The following CNTN4 variants were observed in gnomAD, a reference collection of about 807,000 sequenced individuals.
CNTN4 encodes the protein contactin 4, also known as contactin-4.
A neutral mutation model predicts 122.5 loss-of-function variants in CNTN4; 77 were observed. That is an observed-to-expected ratio of 0.63 (90% confidence interval 0.52 to 0.76). CNTN4 has a LOEUF of 0.76. CNTN4 is among the 30% of genes least tolerant of loss of function. The pLI is 0.00. For synonymous variants in CNTN4, 512 were observed against 447.0 expected (o/e 1.15, Z -1.83); for missense variants, 1,256 against 1,259.1 (o/e 1.00, Z 0.04).
chr3:2,958,189 A>G (rs1435526713), intron 13 of CNTN4, among the ~76,000 whole-genome samples: 1 of 152,230 alleles, frequency 6.6e-6, no homozygotes, highest in Non-Finnish European at 1.5e-5. Context: ...TGTAAGAAGC[A>G]TTGTTGCCTC....
At chr3:2,947,755 T>G (rs866361736) in intron 13 of CNTN4, among the ~76,000 whole-genome samples, 3 of 152,254 alleles carry the variant, frequency 2.0e-5, no homozygotes, top group African/African-American at 7.2e-5. Context: ...TCTTCCATTA[T>G]AGATACCAGA....
chr3:2,791,382 A>T (rs148336150), intron 6 of CNTN4, among the ~76,000 whole-genome samples: 1 of 151,988 alleles, frequency 6.6e-6, no homozygotes, highest in African/African-American at 2.4e-5. Context: ...AAATACAAAA[A>T]ATTAGCTGAG....
At chr3:2,842,661 C>T (rs1441345597) in intron 7 of CNTN4, among the ~76,000 whole-genome samples, 1 of 152,164 alleles carries the variant, frequency 6.6e-6, no homozygotes, top group Admixed American at 6.5e-5. Flanking sequence ...AAAAGTAGCT[C>T]TCTTCAGTGA....
chr3:2,676,477 C>T (rs746643379), intron 4 of CNTN4, among the ~76,000 whole-genome samples: 2 of 152,212 alleles, frequency 1.3e-5, no homozygotes, highest in Non-Finnish European at 2.9e-5. Context: ...CTGCCTCGGC[C>T]TCCCAGATTG....
At chr3:2,875,441 T>A (rs1172981173) in intron 8 of CNTN4, among the ~76,000 whole-genome samples, 1 of 152,218 alleles carries the variant, frequency 6.6e-6, no homozygotes, top group Non-Finnish European at 1.5e-5. Context: ...AACTTTGCTA[T>A]CTTCTGCATT....
intron 3 of CNTN4, among the ~76,000 whole-genome samples, chr3:2,438,248 G>A (rs1353040367): frequency 3.3e-5 from 5 of 152,178 alleles, no homozygotes; most frequent in African/African-American, 9.7e-5. Flanking sequence ...GGCTGGGCAC[G>A]GTTGCTCACG....
intron 3 of CNTN4, among the ~76,000 whole-genome samples, chr3:2,486,751 T>C (rs1463847740): frequency 6.6e-6 from 1 of 152,152 alleles, no homozygotes; most frequent in Non-Finnish European, 1.5e-5. Context: ...TGGGTACAAC[T>C]GTAAAGGAAT....
chr3:2,929,178 A>G (rs1446730960), intron 13 of CNTN4, among the ~76,000 whole-genome samples: 2 of 152,214 alleles, frequency 1.3e-5, no homozygotes, highest in East Asian at 1.9e-4. Flanking sequence ...CATTTAAAAC[A>G]GGGAAGACCT....
At chr3:2,660,534 G>A (rs533708861) in intron 4 of CNTN4, among the ~76,000 whole-genome samples, 38 of 152,242 alleles carry the variant, frequency 2.5e-4, no homozygotes, top group African/African-American at 7.9e-4. Context: ...TCTTAACCCT[G>A]CCATTAATTG....
chr3:2,319,826 ATATTC>A (rs1300902031), intron 2 of CNTN4, among the ~76,000 whole-genome samples: 2 of 152,186 alleles, frequency 1.3e-5, no homozygotes, highest in Non-Finnish European at 2.9e-5. Context: ...GGGCAACTGT[ATATTC>A]TTTTTGGTGT....
At chr3:2,318,322 C>G (rs1320710697) in intron 2 of CNTN4, among the ~76,000 whole-genome samples, 8 of 151,128 alleles carry the variant, frequency 5.3e-5, no homozygotes, top group Non-Finnish European at 1.2e-4. Flanking sequence ...GCTAGAAAAA[C>G]ACACTATAAG....
intron 8 of CNTN4, 29 bp from the exon 9 acceptor site, chr3:2,883,116 C>T (rs1236468653): frequency 6.7e-7 from 1 of 1,501,952 alleles, no homozygotes; most frequent in Non-Finnish European, 9.3e-7. Context: ...AAAGAATCTC[C>T]AAGACTTAGC....
intron 3 of CNTN4, among the ~76,000 whole-genome samples, chr3:2,384,322 A>C (rs2046152952): frequency 6.6e-6 from 1 of 152,264 alleles, no homozygotes; most frequent in Non-Finnish European, 1.5e-5. Flanking sequence ...TCCTGGCTTA[A>C]GTTGCTTTAG....
chr3:2,458,130 A>G (rs1050403444), intron 3 of CNTN4, among the ~76,000 whole-genome samples: 2 of 152,176 alleles, frequency 1.3e-5, no homozygotes, highest in African/African-American at 4.8e-5. Context: ...CAGTTGCAGT[A>G]CTGAATTGCA....
At chr3:2,388,139 G>A (rs1352519030) in intron 3 of CNTN4, among the ~76,000 whole-genome samples, 1 of 152,150 alleles carries the variant, frequency 6.6e-6, no homozygotes, top group African/African-American at 2.4e-5. Context: ...TCTGCAGAAG[G>A]TCCTTCAAGT....
chr3:2,661,287 T>C (rs2083878311), intron 4 of CNTN4, among the ~76,000 whole-genome samples: 1 of 152,166 alleles, frequency 6.6e-6, no homozygotes, highest in Non-Finnish European at 1.5e-5. Flanking sequence ...GAGGAGTGCC[T>C]CTAGCATGAG....
intron 2 of CNTN4, among the ~76,000 whole-genome samples, chr3:2,242,134 A>C (rs1418610011): frequency 6.6e-6 from 1 of 152,174 alleles, no homozygotes; most frequent in South Asian, 2.1e-4. Context: ...TAACTTTTAA[A>C]ATTAAGGGTC....
At chr3:2,727,076 G>A (rs1302161588) in intron 4 of CNTN4, among the ~76,000 whole-genome samples, 2 of 152,174 alleles carry the variant, frequency 1.3e-5, no homozygotes, top group African/African-American at 4.8e-5. Flanking sequence ...GCAGGACAAT[G>A]TCTGCTTTGC....
intron 2 of CNTN4, among the ~76,000 whole-genome samples, chr3:2,237,008 A>T (rs1264622349): frequency 6.6e-6 from 1 of 152,184 alleles, no homozygotes; most frequent in Non-Finnish European, 1.5e-5. Context: ...GGAGGATGGT[A>T]GAAGATGAGA....
Sources: gnomAD v4.1 joint callset for allele counts (sites outside exome capture counted in the v4.1 genomes callset) on GRCh38, gnomAD v4.1.1 for gene constraint, MANE v1.5 for transcripts, NCBI Gene and HGNC (gene_info 2026-07-23, HGNC 2026-07-21) for gene names.